The following GPC5 variants were observed in gnomAD, a reference collection of about 807,000 sequenced individuals.
GPC5 encodes glypican-5.
Under a neutral mutation model 53.9 loss-of-function variants are expected in GPC5, and 47 were observed. The observed-to-expected ratio is 0.87, with a 90% confidence interval of 0.69 to 1.11. GPC5 has a LOEUF of 1.11. Ranked by LOEUF, GPC5 falls within the 50% of genes most tolerant of loss-of-function variation. The pLI, the probability that GPC5 is intolerant of heterozygous loss-of-function variation, is 0.00. For missense variants in GPC5, 748 were observed against 713.1 expected (o/e 1.05, Z -0.56); for synonymous variants, 286 against 263.3 (o/e 1.09, Z -0.84).
At chr13:92,118,738 G>T (rs963138724) in intron 6 of GPC5, among the ~76,000 whole-genome samples, 2 of 152,146 alleles carry the variant, frequency 1.3e-5, no homozygotes, top group African/African-American at 2.4e-5. Flanking sequence ...ACTTTTAAGA[G>T]TCCTTGGTAG....
intron 2 of GPC5, among the ~76,000 whole-genome samples, chr13:91,638,773 AAT>A (rs1465248051): frequency 6.6e-6 from 1 of 152,248 alleles, no homozygotes; most frequent in Non-Finnish European, 1.5e-5. Flanking sequence ...TAAAGGAAAT[AAT>A]ATACCCCAAA....
rs77180891 is a variant in GPC5 at position 92,166,539 on chromosome 13, T to C, written c.1561+21550T>C. Among the ~76,000 whole-genome samples, 454 of 151,254 alleles carry C rather than the reference T, an allele frequency of 3.0e-3. 6 individuals are homozygous for C. Among genetic ancestry groups the C allele is most frequent in the African/African-American group, 9.3e-3 (379 of 40,830 alleles). ...ATAAAGACCACCGGAGAAACTTCCA[T>C]TGTCAAAGGTAGTTTCATTAGCCCT... On this transcript the variant is annotated intron_variant, in intron 7 of 7. Transcript: ENST00000377067.
chr13:91,522,003 T>G (rs1885842356), intron 2 of GPC5, among the ~76,000 whole-genome samples: 1 of 152,230 alleles, frequency 6.6e-6, no homozygotes, highest in African/African-American at 2.4e-5. Flanking sequence ...AGAGTATACA[T>G]GAAGAGATAT....
At chr13:92,267,895 A>G (rs2042813478) in intron 7 of GPC5, among the ~76,000 whole-genome samples, 2 of 152,078 alleles carry the variant, frequency 1.3e-5, no homozygotes, top group African/African-American at 4.8e-5. Flanking sequence ...TTAGCAGGAT[A>G]TAGGCTTTTC....
intron 7 of GPC5, among the ~76,000 whole-genome samples, chr13:92,832,966 A>T (rs1051934082): frequency 6.6e-6 from 1 of 152,180 alleles, no homozygotes; most frequent in Non-Finnish European, 1.5e-5. Context: ...CGAGACTGCC[A>T]AAGCACTTCA....
chr13:91,906,171 T>C (rs1272077987), intron 5 of GPC5, among the ~76,000 whole-genome samples: 3 of 152,068 alleles, frequency 2.0e-5, no homozygotes, highest in African/African-American at 4.8e-5. Flanking sequence ...CTCTGCTTTG[T>C]GAATGGAGGC....
At chr13:91,502,532 A>G (rs899495099) in intron 2 of GPC5, among the ~76,000 whole-genome samples, 4 of 152,314 alleles carry the variant, frequency 2.6e-5, no homozygotes, top group South Asian at 2.1e-4. Flanking sequence ...GGCTTATGAC[A>G]GTTGAATTTT....
At chr13:92,595,465 G>A (rs570700578) in intron 7 of GPC5, among the ~76,000 whole-genome samples, 1 of 152,252 alleles carries the variant, frequency 6.6e-6, no homozygotes, top group African/African-American at 2.4e-5. Flanking sequence ...ACCTTCTCTG[G>A]AAGTCAAAAG....
At chr13:91,821,214 A>C (rs959417456) in intron 5 of GPC5, among the ~76,000 whole-genome samples, 1 of 152,180 alleles carries the variant, frequency 6.6e-6, no homozygotes, top group African/African-American at 2.4e-5. Context: ...AGTTATTCCC[A>C]GAATATCTAA....
At chr13:92,276,937 TC>T (rs1274312483) in intron 7 of GPC5, among the ~76,000 whole-genome samples, 1 of 152,046 alleles carries the variant, frequency 6.6e-6, no homozygotes, top group East Asian at 1.9e-4. Flanking sequence ...TATATATTAG[TC>T]ATGTTACTTT....
intron 7 of GPC5, among the ~76,000 whole-genome samples, chr13:92,269,918 G>A (rs1294017030): frequency 1.3e-5 from 2 of 152,134 alleles, no homozygotes; most frequent in Non-Finnish European, 2.9e-5. Context: ...TTGCTAATTA[G>A]TAAGCATCCC....
chr13:91,553,764 G>GA (rs1372162996), intron 2 of GPC5, among the ~76,000 whole-genome samples: 1 of 151,918 alleles, frequency 6.6e-6, no homozygotes, highest in Non-Finnish European at 1.5e-5. Flanking sequence ...CTCATTAAAA[G>GA]AAAAACAATT....
intron 7 of GPC5, among the ~76,000 whole-genome samples, chr13:92,612,158 G>A (rs1884459143): frequency 1.3e-5 from 2 of 151,926 alleles, no homozygotes; most frequent in South Asian, 2.1e-4. Flanking sequence ...TGTGCAAAAG[G>A]GCATCCCTAT....
At chr13:91,848,728 A>G (rs911258113) in intron 5 of GPC5, among the ~76,000 whole-genome samples, 2 of 152,330 alleles carry the variant, frequency 1.3e-5, no homozygotes, top group South Asian at 2.1e-4. Flanking sequence ...GCTTTCCAAT[A>G]GATTCTGAAT....
intron 7 of GPC5, among the ~76,000 whole-genome samples, chr13:92,305,322 A>G (rs1414444965): frequency 6.6e-6 from 1 of 152,210 alleles, no homozygotes; most frequent in African/African-American, 2.4e-5. Flanking sequence ...TTATTTTTAA[A>G]AGGTATGTAA....
chr13:91,728,456 G>T (rs957697453), intron 3 of GPC5, 76 bp from the exon 4 acceptor site: 4 of 1,387,550 alleles, frequency 2.9e-6, no homozygotes, highest in Non-Finnish European at 2.0e-6. Flanking sequence ...CATTGTTTTG[G>T]GCCCTATGAA....
chr13:91,420,983 G>A (rs1312179610), intron 1 of GPC5, among the ~76,000 whole-genome samples: 1 of 152,164 alleles, frequency 6.6e-6, no homozygotes, highest in Admixed American at 6.5e-5. Flanking sequence ...TCAAAATAAT[G>A]TGTGAATAAA....
At chr13:91,793,730 G>T (rs1367484448) in intron 5 of GPC5, among the ~76,000 whole-genome samples, 1 of 152,152 alleles carries the variant, frequency 6.6e-6, no homozygotes, top group Non-Finnish European at 1.5e-5. Flanking sequence ...CATGGGGGAA[G>T]GCAAAGGAGA....
At chr13:91,441,825 C>G (rs564150172) in intron 1 of GPC5, among the ~76,000 whole-genome samples, 1 of 152,128 alleles carries the variant, frequency 6.6e-6, no homozygotes, top group Non-Finnish European at 1.5e-5. Context: ...TGCCAATTGT[C>G]ATTTTTCTAT....
Sources: gnomAD v4.1 joint callset for allele counts (sites outside exome capture counted in the v4.1 genomes callset) on GRCh38, gnomAD v4.1.1 for gene constraint, MANE v1.5 for transcripts, NCBI Gene and HGNC (gene_info 2026-07-23, HGNC 2026-07-21) for gene names.